Variants in MARVELD3 observed in about 807,000 individuals in gnomAD.
MARVELD3 encodes the protein MARVEL domain containing 3, also known as MARVEL domain-containing protein 3.
In MARVELD3, 28 loss-of-function variants were observed where a neutral mutation model predicts 33.5. The observed-to-expected ratio is 0.84, with a 90% CI of 0.62 to 1.15. MARVELD3 has a LOEUF of 1.15. MARVELD3 is among the 50% of genes most tolerant of loss of function. The pLI is 0.00. For synonymous variants in MARVELD3, 241 were observed against 230.4 expected (o/e 1.05, Z -0.42); for missense variants, 582 against 547.6 (o/e 1.06, Z -0.63).
chr16:71,635,402 C>T lies in MARVELD3; in HGVS notation c.*599C>T, dbSNP rs1028152131. On this transcript the variant is annotated 3_prime_UTR_variant, in exon 3 of 3. Coordinates refer to ENST00000268485, the MANE Select transcript of MARVELD3 (RefSeq NM_052858.6). ...AAGCATGTACTACAACAGAGTGCAC[C>T]TCTTCATTCAGTAAAGGGAGGTCAC... is the stretch of plus-strand genomic sequence containing the variant. The T allele has an allele frequency of 4.6e-5, 45 of 984,776 alleles. No homozygotes were observed. Among genetic ancestry groups the T allele is most frequent in the Non-Finnish European group, 5.1e-5 (42 of 829,908 alleles). 61.0% of individuals were successfully genotyped at this position (984,776 alleles called of 1,614,324 possible).
At chr16:71,632,787 T>C (rs2044545796) in intron 2 of MARVELD3, among the ~76,000 whole-genome samples, 1 of 151,736 alleles carries the variant, frequency 6.6e-6, no homozygotes, top group African/African-American at 2.4e-5. Flanking sequence ...AATTTTTGTA[T>C]TTTTAGTAGA....
chr16:71,628,643 G>C (rs528501021), intron 1 of MARVELD3, among the ~76,000 whole-genome samples: 1 of 152,130 alleles, frequency 6.6e-6, no homozygotes, highest in African/African-American at 2.4e-5. Flanking sequence ...GTCATCTTTT[G>C]AGGGGAAGGG....
chr16:71,626,751 C>A lies in MARVELD3; in HGVS notation c.467+55C>A. Reference sequence around the variant, plus strand: ...GCGCCGGGGACACCTGTGGCCCAGGCCGGCCCGCGAGGCCCTGGCGTCCCC... The same window carrying A: ...GCGCCGGGGACACCTGTGGCCCAGGACGGCCCGCGAGGCCCTGGCGTCCCC... On this transcript the variant is annotated intron_variant, in intron 1 of 2. Coordinates refer to ENST00000268485, the MANE Select transcript of MARVELD3 (RefSeq NM_052858.6). The surrounding 1 kb of genome is among the most constrained non-coding windows in gnomAD (Gnocchi z 5.3). 1 of 1,358,656 alleles carries A rather than the reference C, an allele frequency of 7.4e-7. No individual in the cohort carries two copies. The highest frequency in any genetic ancestry group is 9.5e-7 in the Non-Finnish European group (1 of 1,053,624). 84.2% of individuals were successfully genotyped at this position (1,358,656 alleles called of 1,614,324 possible).
chr16:71,640,707 G>A (rs145897917), downstream of MARVELD3: 62 of 1,614,224 alleles, frequency 3.8e-5, no homozygotes, highest in Middle Eastern at 6.6e-4. Context: ...CACGGAGGCC[G>A]CCTTCAGCCT....
In MARVELD3 at chr16:71,636,083, G is replaced by C; in HGVS notation, c.*1280G>C. On this transcript the variant is annotated 3_prime_UTR_variant, in exon 3 of 3. Transcript: ENST00000268485. Reference sequence around the variant, plus strand: ...ACTGCACATTAAATTATGACTTATGGAACATTGCAATATATTCTCGGTCCT... The same window carrying C: ...ACTGCACATTAAATTATGACTTATGCAACATTGCAATATATTCTCGGTCCT... 1.0e-6 allele frequency: 1 copy of C among 985,204 alleles called. No homozygotes were observed. Among genetic ancestry groups the C allele is most frequent in the Non-Finnish European group, 1.2e-6 (1 of 829,850 alleles). The allele number at this position is 985,204 out of a possible 1,614,324, so 61.0% of individuals were successfully genotyped here.
Position 71,634,266 on chromosome 16 carries a change from AGGGGGCTACACG to A in MARVELD3, c.672_683del (p.Gly225_Gly228del), listed in dbSNP as rs1437906758. On this transcript the variant is annotated inframe_deletion, in exon 3 of 3. Transcript: ENST00000268485. ...GCAGCTCTGTGTCTTACAGTTCCACAGGGGGCTACACGGGCATCACCAGCTTGGGGGGCATTT... is the reference window on the plus strand; with the variant it reads ...GCAGCTCTGTGTCTTACAGTTCCACAGGCATCACCAGCTTGGGGGGCATTT... The A allele has an allele frequency of 6.2e-7, 1 of 1,613,996 alleles. No homozygotes were observed. The highest frequency in any genetic ancestry group is 8.5e-7 in the Non-Finnish European group (1 of 1,180,022).
rs1317166853 is a variant in MARVELD3, at chr16:71,635,157, G to A, written c.*354G>A. ...AGCTTGGCCAACATGGTGAGCCCCCGTCTCTACTAAAATACAAAAAAATTA... is the reference window on the plus strand; with the variant it reads ...AGCTTGGCCAACATGGTGAGCCCCCATCTCTACTAAAATACAAAAAAATTA... On this transcript the variant is annotated 3_prime_UTR_variant, in exon 3 of 3. Coordinates refer to ENST00000268485, the MANE Select transcript of MARVELD3 (RefSeq NM_052858.6). 2.9e-5 allele frequency: 23 copies of A among 789,374 alleles called. No homozygotes were observed. Among genetic ancestry groups the A allele is most frequent in the African/African-American group, 3.8e-5 (2 of 53,268 alleles). The allele number at this position is 789,374 out of a possible 1,614,324, so 48.9% of individuals were successfully genotyped here.
chr16:71,631,126 T>A (rs561535153), intron 2 of MARVELD3, among the ~76,000 whole-genome samples: 8 of 152,346 alleles, frequency 5.3e-5, no homozygotes, highest in African/African-American at 1.7e-4. Flanking sequence ...CATATGATTA[T>A]AGGATTATAG....
chr16:71,638,394 C>G (rs760371246), downstream of MARVELD3: 1 of 152,456 alleles, frequency 6.6e-6, no homozygotes, highest in South Asian at 2.1e-4. Flanking sequence ...CTGGAAGATA[C>G]AGTAAATGAA....
Position 71,635,558 on chromosome 16 carries a change from G to A in MARVELD3, c.*755G>A. 1 of 981,254 alleles carries A rather than the reference G, an allele frequency of 1.0e-6. No homozygotes were observed. Among genetic ancestry groups the A allele is most frequent in the South Asian group, 4.7e-5 (1 of 21,182 alleles). 60.8% of individuals were successfully genotyped at this position (981,254 alleles called of 1,614,324 possible). On this transcript the variant is annotated 3_prime_UTR_variant, in exon 3 of 3. Transcript: ENST00000268485. ...GGAGTTCAAGTTTGCAGTGCGCTAT[G>A]ATTGTCCCACTACACTCTAGCCTGA...
At chr16:71,629,585 A>C (rs1348250964) in intron 2 of MARVELD3, 91 bp downstream of exon 2, 2 of 1,275,664 alleles carry the variant, frequency 1.6e-6, no homozygotes, top group African/African-American at 3.3e-5. Flanking sequence ...ATTTAAGCAG[A>C]TTCCCTTGTG....
downstream of MARVELD3, chr16:71,640,733 C>T (rs778616264): frequency 3.7e-6 from 6 of 1,614,236 alleles, no homozygotes; most frequent in East Asian, 1.3e-4. Context: ...CGGCAGTGGG[C>T]TACTGCACAG....
downstream of MARVELD3, chr16:71,640,490 C>A: frequency 6.2e-7 from 1 of 1,614,102 alleles, no homozygotes; most frequent in Non-Finnish European, 8.5e-7. Flanking sequence ...GCTTTTCCAG[C>A]GGCGGTGGCT....
At chr16:71,633,695 T>TA (rs1491178361) in intron 2 of MARVELD3, among the ~76,000 whole-genome samples, 4 of 103,708 alleles carry the variant, frequency 3.9e-5, no homozygotes, top group African/African-American at 1.2e-4. Context: ...ATACCCAGTC[T>TA]TTTTTTTTTT....
chr16:71,626,495 C>A lies in MARVELD3; in HGVS notation c.266C>A (p.Pro89His). The change falls in exon 1 of 3, where the codon CCC (proline) becomes CAC (histidine). Residue 89 changes from proline (P) to histidine (H), a missense_variant. Physicochemically the swap from Pro to His is moderately conservative, Grantham distance 77. Transcript: ENST00000268485. This position sits in a 1 kb window ranked among gnomAD's most constrained non-coding sequence, Gnocchi z 5.3. Reference sequence around the variant, plus strand: ...AGGGAAAGAGACCCGGACCGAGGCCCCCGCCGGGACACACACAGGGACGCG... The same window carrying A: ...AGGGAAAGAGACCCGGACCGAGGCCACCGCCGGGACACACACAGGGACGCG... ...RERERDPDRG[P>H]RRDTHRDAGP... 6.5e-7 allele frequency: 1 copy of A among 1,549,792 alleles called. No individual in the cohort carries two copies. The highest frequency in any genetic ancestry group is 8.7e-7 in the Non-Finnish European group (1 of 1,146,822).
rs2044568586 is a variant in MARVELD3 at position 71,634,847 on chromosome 16, T to C, written c.*44T>C. ...GACAGATGCAAGTGGTGGTGGAAGG[T>C]AGTCTGAGCCACTGCCTTTCCCAAG... On this transcript the variant is annotated 3_prime_UTR_variant, in exon 3 of 3. Transcript: ENST00000268485. The C allele has an allele frequency of 6.5e-7, 1 of 1,531,640 alleles. No individual in the cohort carries two copies. Among genetic ancestry groups the C allele is most frequent in the African/African-American group, 1.4e-5 (1 of 72,008 alleles). 94.9% of individuals were successfully genotyped at this position (1,531,640 alleles called of 1,614,324 possible).
At chr16:71,640,699 C>T (rs1473168626), downstream of MARVELD3, 7 of 1,614,116 alleles carry the variant, frequency 4.3e-6, no homozygotes, top group Non-Finnish European at 5.9e-6. Flanking sequence ...TGGCTCCTCA[C>T]GGAGGCCGCC....
In MARVELD3 at chr16:71,634,796, A is replaced by C; in HGVS notation, c.1199A>C (p.Glu400Ala). 6.3e-7 allele frequency: 1 copy of C among 1,595,788 alleles called. No homozygotes were observed. The highest frequency in any genetic ancestry group is 2.2e-5 in the East Asian group (1 of 44,696). Reference protein sequence around the residue: ...KLKEKPAEMFEF With the variant: ...KLKEKPAEMFAF Reference sequence around the variant, plus strand: ...AAAGAGAAGCCAGCAGAAATGTTTGAATTTTAAGGGTTTCTAAAACGCTCT... The same window carrying C: ...AAAGAGAAGCCAGCAGAAATGTTTGCATTTTAAGGGTTTCTAAAACGCTCT... Residue 400 changes from glutamate to alanine, a missense_variant, in exon 3 of 3, where the codon GAA becomes GCA. Transcript: ENST00000268485.
chr16:71,629,213 T>C, intron 1 of MARVELD3, 154 bp from the exon 2 acceptor site: 1 of 870,632 alleles, frequency 1.1e-6, no homozygotes, highest in Non-Finnish European at 1.6e-6. Context: ...GTGGGGCCAC[T>C]AAACCAGAGA....
Sources: gnomAD v4.1 joint callset for allele counts (sites outside exome capture counted in the v4.1 genomes callset) on GRCh38, gnomAD v4.1.1 for gene constraint, Gnocchi (gnomAD v3.1) non-coding constraint, MANE v1.5 for transcripts, NCBI Gene and HGNC (gene_info 2026-07-23, HGNC 2026-07-21) for gene names.